The following ADGRB3 variants were observed in gnomAD, a reference collection of about 807,000 sequenced individuals.
ADGRB3 encodes adhesion G protein-coupled receptor B3, also known as brain-specific angiogenesis inhibitor 3.
In ADGRB3, 37 loss-of-function variants were observed where a neutral mutation model predicts 193.4. The ratio of observed to expected loss-of-function variants is 0.19; its 90% CI spans 0.15 to 0.25. ADGRB3 has a LOEUF of 0.25. Ranked by LOEUF, ADGRB3 falls within the 10% of genes least tolerant of loss-of-function variation. The pLI, the probability that ADGRB3 is intolerant of heterozygous loss-of-function variation, is 1.00. For missense variants in ADGRB3, 1,637 were observed against 1,852.9 expected (o/e 0.88, Z 2.14); for synonymous variants, 690 against 644.2 (o/e 1.07, Z -1.08).
chr6:68,858,937 C>A (rs982689870), intron 3 of ADGRB3, among the ~76,000 whole-genome samples: 7 of 152,202 alleles, frequency 4.6e-5, no homozygotes, highest in African/African-American at 1.7e-4. Flanking sequence ...TGGAGATTAG[C>A]ATTTGGCTCC....
chr6:68,701,277 C>T (rs1195655079), intron 3 of ADGRB3, among the ~76,000 whole-genome samples: 1 of 152,158 alleles, frequency 6.6e-6, no homozygotes, highest in East Asian at 1.9e-4. Flanking sequence ...CTCGATATTT[C>T]ATAGCCACTG....
intron 3 of ADGRB3, among the ~76,000 whole-genome samples, chr6:68,857,906 T>C (rs889986851): frequency 6.6e-6 from 1 of 152,162 alleles, no homozygotes; most frequent in African/African-American, 2.4e-5. Context: ...TGGGTCTTTC[T>C]TGTGCTATTC....
intron 17 of ADGRB3, among the ~76,000 whole-genome samples, chr6:69,169,133 CT>C (rs1354725128): frequency 1.3e-5 from 2 of 151,746 alleles, no homozygotes; most frequent in African/African-American, 4.8e-5. Flanking sequence ...ACAGATATAC[CT>C]TAAAAAAAGA....
intron 3 of ADGRB3, among the ~76,000 whole-genome samples, chr6:68,674,737 G>T (rs1186626125): frequency 6.6e-6 from 1 of 152,210 alleles, no homozygotes. Context: ...AGAACAAAAG[G>T]AAGAAGAGAA....
intron 3 of ADGRB3, among the ~76,000 whole-genome samples, chr6:68,816,625 T>A (rs1368333189): frequency 6.6e-6 from 1 of 152,100 alleles, no homozygotes; most frequent in Non-Finnish European, 1.5e-5. Context: ...CTTAAAATTA[T>A]TAATGTAGTC....
intron 3 of ADGRB3, among the ~76,000 whole-genome samples, chr6:68,886,293 T>C (rs955867954): frequency 4.6e-5 from 7 of 152,124 alleles, no homozygotes; most frequent in African/African-American, 1.7e-4. Context: ...CAGTACTCAT[T>C]ACCAAACCTA....
intron 17 of ADGRB3, among the ~76,000 whole-genome samples, chr6:69,127,881 C>T (rs754212624): frequency 4.3e-5 from 6 of 139,024 alleles, no homozygotes; most frequent in Non-Finnish European, 7.8e-5. Context: ...AGCAAAGCTA[C>T]AGCCAAGATA....
chr6:69,048,172 T>A lies in ADGRB3; in HGVS notation c.2108-13T>A. The A allele has an allele frequency of 6.2e-7, 1 of 1,604,882 alleles. No homozygotes were observed. The highest frequency in any genetic ancestry group is 8.5e-7 in the Non-Finnish European group (1 of 1,176,442). On this transcript the variant is annotated splice_polypyrimidine_tract_variant and intron_variant, in intron 13 of 31. Coordinates refer to ENST00000370598, the MANE Select transcript of ADGRB3 (RefSeq NM_001704.3). ...AGCAAGTTTAATTGAAATTATTATT[T>A]CTTTTTTAATAGTGGCTAGTATTCA...
At chr6:68,958,299 T>TA (rs1768136114) in intron 8 of ADGRB3, among the ~76,000 whole-genome samples, 1 of 152,186 alleles carries the variant, frequency 6.6e-6, no homozygotes, top group Admixed American at 6.5e-5. Flanking sequence ...AAGAGGATGA[T>TA]ACCTATTCAG....
chr6:68,980,582 A>G (rs963957473), intron 10 of ADGRB3, among the ~76,000 whole-genome samples: 2 of 151,568 alleles, frequency 1.3e-5, no homozygotes, highest in African/African-American at 2.4e-5. Flanking sequence ...AGAAAACAAA[A>G]CAATACCATC....
At chr6:69,232,761 C>T (rs1327266096) in intron 17 of ADGRB3, 4 of 742,882 alleles carry the variant, frequency 5.4e-6, no homozygotes, top group African/African-American at 3.5e-5. Flanking sequence ...AGGAAAAATC[C>T]CTAACCAGCA....
At chr6:69,246,142 T>C (rs776082734) in intron 20 of ADGRB3, among the ~76,000 whole-genome samples, 1 of 152,104 alleles carries the variant, frequency 6.6e-6, no homozygotes, top group Non-Finnish European at 1.5e-5. Flanking sequence ...AAAGTTAATC[T>C]TTTTTCTTCA....
intron 20 of ADGRB3, among the ~76,000 whole-genome samples, chr6:69,261,862 G>GTATT (rs1310111180): frequency 1.3e-5 from 2 of 151,912 alleles, no homozygotes; most frequent in Non-Finnish European, 2.9e-5. Context: ...ATGGATATTG[G>GTATT]TATTTATTTA....
intron 17 of ADGRB3, among the ~76,000 whole-genome samples, chr6:69,116,635 G>A (rs1321613067): frequency 6.6e-6 from 1 of 152,212 alleles, no homozygotes; most frequent in Non-Finnish European, 1.5e-5. Context: ...CTTGCTCCAG[G>A]TAGTATTAAG....
intron 20 of ADGRB3, among the ~76,000 whole-genome samples, chr6:69,295,723 A>G (rs1767801755): frequency 6.6e-6 from 1 of 152,180 alleles, no homozygotes; most frequent in Non-Finnish European, 1.5e-5. Context: ...TGTGCTGTTA[A>G]AGATGTGCAG....
chr6:68,920,642 G>GA (rs892377879), intron 3 of ADGRB3, among the ~76,000 whole-genome samples: 75 of 150,840 alleles, frequency 5.0e-4, no homozygotes, highest in African/African-American at 1.8e-3. Flanking sequence ...AGTTTAATGA[G>GA]AAAAAAAACT....
At chr6:68,973,775 A>G (rs1768655973) in intron 8 of ADGRB3, among the ~76,000 whole-genome samples, 1 of 152,170 alleles carries the variant, frequency 6.6e-6, no homozygotes, top group African/African-American at 2.4e-5. Context: ...GTAAATGACA[A>G]TTTTGTATGA....
chr6:68,893,697 G>A (rs1272695411), intron 3 of ADGRB3, among the ~76,000 whole-genome samples: 1 of 151,612 alleles, frequency 6.6e-6, no homozygotes, highest in Non-Finnish European at 1.5e-5. Flanking sequence ...AACCTCAAAG[G>A]TATCAGTTTA....
chr6:69,211,239 G>A (rs1047905716), intron 17 of ADGRB3, among the ~76,000 whole-genome samples: 2 of 152,154 alleles, frequency 1.3e-5, no homozygotes, highest in South Asian at 4.1e-4. Flanking sequence ...AAGGAAGGTC[G>A]GCAACCTATA....
Sources: gnomAD v4.1 joint callset for allele counts (sites outside exome capture counted in the v4.1 genomes callset) on GRCh38, gnomAD v4.1.1 for gene constraint, MANE v1.5 for transcripts, NCBI Gene and HGNC (gene_info 2026-07-23, HGNC 2026-07-21) for gene names.